Variants in SAMD12 observed in about 807,000 individuals in gnomAD.
SAMD12 encodes sterile alpha motif domain containing 12.
A neutral mutation model predicts 15.0 loss-of-function variants in SAMD12; 9 were observed. That is an observed-to-expected ratio of 0.60 (90% CI 0.36 to 1.05). The LOEUF (loss-of-function observed/expected upper bound fraction) is 1.05. Among genes scored for constraint, SAMD12 ranks in the 50% least tolerant of loss-of-function variants. SAMD12 has a pLI of 0.01. For missense variants in SAMD12, 230 were observed against 234.2 expected, an observed-to-expected ratio of 0.98 and a Z score of 0.12; for synonymous variants, 86 against 90.1, an observed-to-expected ratio of 0.96 and a Z score of 0.25.
chr8:118,200,214 G>A (rs1819675767), intron 4 of SAMD12, among the ~76,000 whole-genome samples: 1 of 151,956 alleles, frequency 6.6e-6, no homozygotes, highest in South Asian at 2.1e-4. Context: ...ACCCAGTCTG[G>A]TATGTCTTTA....
chr8:118,405,964 TTCTC>T (rs1451059013), intron 3 of SAMD12, among the ~76,000 whole-genome samples: 2 of 152,160 alleles, frequency 1.3e-5, no homozygotes, highest in African/African-American at 2.4e-5. Context: ...TTTTTTGGTT[TTCTC>T]TCTATGGCCA....
intron 2 of SAMD12, among the ~76,000 whole-genome samples, chr8:118,538,004 A>G (rs1825892991): frequency 6.6e-6 from 1 of 152,214 alleles, no homozygotes; most frequent in South Asian, 2.1e-4. Context: ...CATTGCAGCC[A>G]CATCTGCACT....
chr8:118,166,909 A>G, the SAMD12 span, among the ~76,000 whole-genome samples: 1 of 152,136 alleles, frequency 6.6e-6, no homozygotes, highest in Non-Finnish European at 1.5e-5. Flanking sequence ...AGAACTGTCC[A>G]TCCCTGCTGG....
intron 2 of SAMD12, among the ~76,000 whole-genome samples, chr8:118,454,738 C>A (rs1257767948): frequency 1.3e-5 from 2 of 152,308 alleles, no homozygotes; most frequent in East Asian, 1.9e-4. Context: ...ATCTCCAGGA[C>A]TCTTTCCATT....
intron 1 of SAMD12, among the ~76,000 whole-genome samples, chr8:118,585,622 A>G (rs1827420133): frequency 6.6e-6 from 1 of 152,214 alleles, no homozygotes; most frequent in South Asian, 2.1e-4. Context: ...ATGTTATTTT[A>G]TTTTTTAATA....
chr8:118,542,431 A>C (rs1364910710), intron 2 of SAMD12, among the ~76,000 whole-genome samples: 1 of 152,240 alleles, frequency 6.6e-6, no homozygotes, highest in East Asian at 1.9e-4. Flanking sequence ...ACAAATGTGA[A>C]TATTTAAAAT....
At chr8:118,530,692 C>G (rs925790188) in intron 2 of SAMD12, among the ~76,000 whole-genome samples, 2 of 152,172 alleles carry the variant, frequency 1.3e-5, no homozygotes, top group African/African-American at 4.8e-5. Context: ...TGTGCAGAAG[C>G]TTTTTCATTC....
At chr8:118,140,028 C>G in the SAMD12 span, among the ~76,000 whole-genome samples, 1 of 152,288 alleles carries the variant, frequency 6.6e-6, no homozygotes, top group African/African-American at 2.4e-5. Context: ...AACCAGCAGA[C>G]AGGAGCTGAA....
At chr8:118,137,017 G>A in the SAMD12 span, among the ~76,000 whole-genome samples, 5 of 152,208 alleles carry the variant, frequency 3.3e-5, no homozygotes, top group Non-Finnish European at 7.3e-5. Flanking sequence ...GTACATCAAA[G>A]CAAGGAAGAA....
intron 1 of SAMD12, among the ~76,000 whole-genome samples, chr8:118,615,514 A>G (rs1453125049): frequency 6.6e-6 from 1 of 152,088 alleles, no homozygotes. Flanking sequence ...CTGCTTATCA[A>G]CAGAAAGGCA....
chr8:118,306,166 T>C (rs928485380), intron 4 of SAMD12, among the ~76,000 whole-genome samples: 1 of 152,206 alleles, frequency 6.6e-6, no homozygotes, highest in Non-Finnish European at 1.5e-5. Flanking sequence ...CCTTCCATTA[T>C]GTTCCTTCTT....
the SAMD12 span, among the ~76,000 whole-genome samples, chr8:118,179,337 T>A: frequency 6.6e-6 from 1 of 151,160 alleles, no homozygotes; most frequent in African/African-American, 2.4e-5. Context: ...CTCAGGAGTC[T>A]GTGGCAAGAG....
chr8:118,447,207 AAACACTGTCAT>A (rs1213291175), intron 2 of SAMD12, among the ~76,000 whole-genome samples: 1 of 152,176 alleles, frequency 6.6e-6, no homozygotes, highest in African/African-American at 2.4e-5. Context: ...TCCTGATTGG[AAACACTGTCAT>A]GCCACACCTA....
intron 4 of SAMD12, among the ~76,000 whole-genome samples, chr8:118,341,233 C>T (rs1817351540): frequency 1.3e-5 from 2 of 152,104 alleles, no homozygotes; most frequent in Admixed American, 6.5e-5. Context: ...TGACATGGTG[C>T]CTCACTGCCC....
intron 1 of SAMD12, among the ~76,000 whole-genome samples, chr8:118,618,106 T>C (rs142167589): frequency 5.9e-4 from 90 of 152,166 alleles, no homozygotes; most frequent in African/African-American, 2.0e-3. Context: ...TCGTACCCTG[T>C]TCTGTGGCGG....
chr8:118,188,652 G>A (rs11562804), downstream of SAMD12, among the ~76,000 whole-genome samples: 2,108 of 152,244 alleles, frequency 0.014, 51 homozygotes, highest in African/African-American at 0.048. Flanking sequence ...ATATTCAGTA[G>A]AGTCAGAGTG....
At chr8:118,279,773 C>G (rs1813565976) in intron 4 of SAMD12, among the ~76,000 whole-genome samples, 1 of 152,200 alleles carries the variant, frequency 6.6e-6, no homozygotes, top group South Asian at 2.1e-4. Flanking sequence ...TTGCTGATTT[C>G]TATGCAGCAC....
the SAMD12 span, among the ~76,000 whole-genome samples, chr8:118,167,580 G>T: frequency 6.6e-6 from 1 of 152,174 alleles, no homozygotes; most frequent in African/African-American, 2.4e-5. Flanking sequence ...CTATCAGGAA[G>T]TGGGGGAAAT....
At chr8:118,430,812 G>A (rs1822379149) in intron 3 of SAMD12, among the ~76,000 whole-genome samples, 1 of 152,104 alleles carries the variant, frequency 6.6e-6, no homozygotes, top group African/African-American at 2.4e-5. Flanking sequence ...GTTTCTTCTA[G>A]AGAGCATATA....
Sources: gnomAD v4.1 joint callset for allele counts (sites outside exome capture counted in the v4.1 genomes callset) on GRCh38, gnomAD v4.1.1 for gene constraint, MANE v1.5 for transcripts, NCBI Gene and HGNC (gene_info 2026-07-23, HGNC 2026-07-21) for gene names.